Variants in PPP1R3B observed in about 807,000 individuals in gnomAD.
PPP1R3B encodes the protein protein phosphatase 1 regulatory subunit 3B, also known as PP1 subunit R4.
A neutral mutation model predicts 14.6 loss-of-function variants in PPP1R3B; 8 were observed. That is an observed-to-expected ratio of 0.55 (90% CI 0.32 to 0.99). The LOEUF (loss-of-function observed/expected upper bound fraction) is 0.99. Among genes scored for constraint, PPP1R3B ranks in the 50% least tolerant of loss-of-function variants. PPP1R3B has a pLI of 0.04. For synonymous variants in PPP1R3B, 169 were observed against 142.0 expected (o/e 1.19, Z -1.35); for missense variants, 452 against 360.1 (o/e 1.26, Z -2.07).
Position 9,141,280 on chromosome 8 carries a change from A to AAAGTCT in PPP1R3B, c.366_371dup (p.Leu122_Asp123dup). Reference sequence around the variant, plus strand: ...CGTGGTCGGCCTGAAGTCGATTTCTAAAGTCTAAGTAATCTGCAGAGGGCT... The same window carrying AAAGTCT: ...CGTGGTCGGCCTGAAGTCGATTTCTAAAGTCTAAGTCTAAGTAATCTGCAGAGGGCT... On this transcript the variant is annotated inframe_insertion, in exon 2 of 2. Coordinates refer to ENST00000310455, the MANE Select transcript of PPP1R3B (RefSeq NM_024607.4). 6.2e-7 allele frequency: 1 copy of AAAGTCT among 1,614,112 alleles called. No individual in the cohort carries two copies. Among genetic ancestry groups the AAAGTCT allele is most frequent in the Non-Finnish European group, 8.5e-7 (1 of 1,180,016 alleles).
chr8:9,141,833 T>C (rs1801101760), intron 1 of PPP1R3B, 165 bp from the exon 2 acceptor site: 6 of 283,268 alleles, frequency 2.1e-5, no homozygotes, highest in Admixed American at 5.3e-5. Flanking sequence ...CAGCACAACA[T>C]GCGTTTGAGA....
intron 1 of PPP1R3B, among the ~76,000 whole-genome samples, chr8:9,145,025 C>T (rs924852445): frequency 5.3e-5 from 8 of 152,142 alleles, no homozygotes; most frequent in Admixed American, 2.0e-4. Flanking sequence ...GGATTGCAGG[C>T]GGGGAGCCAT....
At chr8:9,147,888 G>A (rs1431836168) in intron 1 of PPP1R3B, among the ~76,000 whole-genome samples, 1 of 152,102 alleles carries the variant, frequency 6.6e-6, no homozygotes, top group Non-Finnish European at 1.5e-5. Context: ...TTACCCGCAG[G>A]ACTACTACCC....
chr8:9,146,357 C>G (rs1036537387), intron 1 of PPP1R3B, among the ~76,000 whole-genome samples: 2 of 152,212 alleles, frequency 1.3e-5, no homozygotes, highest in Non-Finnish European at 2.9e-5. Flanking sequence ...TGTTGGGGAG[C>G]TCACTCTCAA....
intron 1 of PPP1R3B, among the ~76,000 whole-genome samples, chr8:9,147,605 A>T (rs1450751219): frequency 2.0e-5 from 3 of 152,120 alleles, no homozygotes; most frequent in African/African-American, 7.2e-5. Flanking sequence ...AGCCCACTAG[A>T]GCCAATGTCC....
intron 1 of PPP1R3B, among the ~76,000 whole-genome samples, chr8:9,147,379 A>C (rs997689455): frequency 6.6e-6 from 1 of 152,014 alleles, no homozygotes; most frequent in African/African-American, 2.4e-5. Context: ...CCATCCTGAA[A>C]AATCTGGGTG....
Position 9,140,756 on chromosome 8 carries a change from T to TGC in PPP1R3B, c.*37_*38insGC. 1.2e-6 allele frequency: 2 copies of TGC among 1,603,384 alleles called. No individual in the cohort carries two copies. Among genetic ancestry groups the TGC allele is most frequent in the South Asian group, 1.1e-5 (1 of 89,718 alleles). The stretch of plus-strand genomic sequence containing the variant: ...TGCACAGTGAGCAGAGCTAGGCTTG[T>TGC]CTGTGGCAGCTCCGCCACGCCCTGT... On this transcript the variant is annotated 3_prime_UTR_variant, in exon 2 of 2. Transcript: ENST00000310455.
intron 1 of PPP1R3B, among the ~76,000 whole-genome samples, chr8:9,147,290 C>T (rs915621565): frequency 5.3e-5 from 8 of 152,268 alleles, no homozygotes; most frequent in Admixed American, 2.0e-4. Context: ...CATGAGCCAC[C>T]GTGCCCAGCC....
At chr8:9,147,807 T>A (rs1250390369) in intron 1 of PPP1R3B, among the ~76,000 whole-genome samples, 1 of 151,924 alleles carries the variant, frequency 6.6e-6, no homozygotes, top group Admixed American at 6.6e-5. Context: ...CTGCTGGCAC[T>A]TGAAGGAGCC....
chr8:9,146,839 T>C (rs970865678), intron 1 of PPP1R3B, among the ~76,000 whole-genome samples: 1 of 152,126 alleles, frequency 6.6e-6, no homozygotes, highest in African/African-American at 2.4e-5. Flanking sequence ...TTCCACGGAT[T>C]GACTAACAGG....
rs1292951339 is a variant in PPP1R3B at position 9,137,331 on chromosome 8, G to A, written c.*3463C>T. On this transcript the variant is annotated 3_prime_UTR_variant, in exon 2 of 2. Transcript: ENST00000310455. Reference sequence around the variant, plus strand: ...GGAATAAATATAAAACAAAAATGAAGTTGCTTCCCTATTGCCGGACAACTG... The same window carrying A: ...GGAATAAATATAAAACAAAAATGAAATTGCTTCCCTATTGCCGGACAACTG... 1 of 152,200 alleles carries A rather than the reference G, an allele frequency of 6.6e-6. No individual in the cohort carries two copies. The highest frequency in any genetic ancestry group is 2.1e-4 in the South Asian group (1 of 4,832). 9.4% of individuals were successfully genotyped at this position (152,200 alleles called of 1,614,324 possible).
In PPP1R3B at chr8:9,141,283, G is replaced by A; in HGVS notation, c.369C>T (p.Asp123=). ...GGTCGGCCTGAAGTCGATTTCTAAAGTCTAAGTAATCTGCAGAGGGCTGGG... is the reference window on the plus strand; with the variant it reads ...GGTCGGCCTGAAGTCGATTTCTAAAATCTAAGTAATCTGCAGAGGGCTGGG... The part of the protein sequence containing the change: ...DFSQPSADYL[D]FRNRLQADHV... Residue 123 remains aspartate, a synonymous_variant, in exon 2 of 2, where the codon GAC becomes GAT. Transcript: ENST00000310455. The A allele has an allele frequency of 1.2e-6, 2 of 1,614,174 alleles. No individual in the cohort carries two copies. The highest frequency in any genetic ancestry group is 1.7e-6 in the Non-Finnish European group (2 of 1,180,040).
In PPP1R3B at chr8:9,141,370, C is replaced by T. The variant is rs1324237380; in HGVS notation, c.282G>A (p.Glu94=). 2.5e-6 allele frequency: 4 copies of T among 1,614,232 alleles called. No individual in the cohort carries two copies. The highest frequency in any genetic ancestry group is 4.5e-5 in the East Asian group (2 of 44,892). ...TCAAGCTCACAATGTTGTCTAGGAG[C>T]TCGGTGATGTTGAATGGCATATCTA... ...DPLDMPFNIT[E]LLDNIVSLTT... is the part of the protein sequence containing the mutation. Residue 94 remains glutamate (E), a synonymous_variant, in exon 2 of 2, where the codon GAG becomes GAA. Coordinates refer to ENST00000310455, the MANE Select transcript of PPP1R3B (RefSeq NM_024607.4).
At chr8:9,147,888 GACT>G (rs1801288543) in intron 1 of PPP1R3B, among the ~76,000 whole-genome samples, 1 of 152,102 alleles carries the variant, frequency 6.6e-6, no homozygotes, top group African/African-American at 2.4e-5. Context: ...TTACCCGCAG[GACT>G]ACTACCCCAG....
At chr8:9,145,158 A>G (rs1482875435) in intron 1 of PPP1R3B, 6 of 152,140 alleles carry the variant, frequency 3.9e-5, no homozygotes, top group African/African-American at 7.2e-5. Flanking sequence ...GTATATATAT[A>G]TAGAGAGAGA....
intron 1 of PPP1R3B, among the ~76,000 whole-genome samples, chr8:9,146,323 C>A (rs1354166701): frequency 3.3e-5 from 5 of 152,164 alleles, no homozygotes; most frequent in Non-Finnish European, 7.4e-5. Flanking sequence ...CTCCTTATGG[C>A]ACAGGTGTAG....
intron 1 of PPP1R3B, among the ~76,000 whole-genome samples, chr8:9,149,740 G>T (rs570639124): frequency 4.6e-5 from 7 of 152,316 alleles, no homozygotes; most frequent in Non-Finnish European, 7.3e-5. Context: ...GACCATGGGG[G>T]CCTATTCACA....
In PPP1R3B at chr8:9,138,459, G is replaced by T. The variant is rs1411863584; in HGVS notation, c.*2335C>A. 1.3e-5 allele frequency: 2 copies of T among 152,172 alleles called. No homozygotes were observed. Among genetic ancestry groups the T allele is most frequent in the African/African-American group, 2.4e-5 (1 of 41,428 alleles). 9.4% of individuals were successfully genotyped at this position (152,172 alleles called of 1,614,324 possible). A position where few individuals can be genotyped will look rare whatever the true frequency, so the allele number is the denominator to read the frequency against. On this transcript the variant is annotated 3_prime_UTR_variant, in exon 2 of 2. Transcript: ENST00000310455. Reference sequence around the variant, plus strand: ...GAATAGCCTTAAGAGCATTTAAAAAGTCAAGGCATCTTAAACTTCAGAAAT... The same window carrying T: ...GAATAGCCTTAAGAGCATTTAAAAATTCAAGGCATCTTAAACTTCAGAAAT...
At chr8:9,148,197 G>A (rs1015542875) in intron 1 of PPP1R3B, among the ~76,000 whole-genome samples, 1 of 152,138 alleles carries the variant, frequency 6.6e-6, no homozygotes, top group African/African-American at 2.4e-5. Context: ...AGATGTGCAA[G>A]GTAATATTAA....
Sources: allele counts gnomAD v4.1 joint callset (sites outside exome capture counted in the v4.1 genomes callset), GRCh38; gene constraint gnomAD v4.1.1; transcripts MANE v1.5; gene names NCBI Gene and HGNC (gene_info 2026-07-23, HGNC 2026-07-21).